The following SEMA6A variants were observed in gnomAD, a reference collection of about 807,000 sequenced individuals.
SEMA6A encodes semaphorin 6A.
SEMA6A carries 25 observed loss-of-function variants against 96.8 expected under a neutral mutation model. The observed-to-expected ratio is 0.26, with a 90% CI of 0.19 to 0.36. The LOEUF (loss-of-function observed/expected upper bound fraction) is 0.36, where lower values mean the gene tolerates loss of function less well. SEMA6A is among the 10% of genes least tolerant of loss of function. The pLI, the probability that SEMA6A is intolerant of heterozygous loss-of-function variation, is 1.00. For missense variants in SEMA6A, 1,363 were observed against 1,323.1 expected (o/e 1.03, Z -0.47); for synonymous variants, 612 against 518.0 (o/e 1.18, Z -2.46).
intron 18 of SEMA6A, among the ~76,000 whole-genome samples, chr5:116,460,951 ATGCTAAATCTT>A (rs1468184790): frequency 6.6e-6 from 1 of 152,092 alleles, no homozygotes; most frequent in Admixed American, 6.6e-5. Context: ...AATAAAAATG[ATGCTAAATCTT>A]TACTCTCTAA....
intron 3 of SEMA6A, among the ~76,000 whole-genome samples, chr5:116,498,092 G>A (rs1396043958): frequency 6.6e-6 from 1 of 152,186 alleles, no homozygotes; most frequent in East Asian, 1.9e-4. Flanking sequence ...CAGCTCAGGT[G>A]TGGGGCTATA....
chr5:116,478,841 T>A, intron 12 of SEMA6A, 123 bp from the exon 13 acceptor site: 1 of 890,240 alleles, frequency 1.1e-6, no homozygotes, highest in Non-Finnish European at 1.7e-6. Context: ...TATATGCATA[T>A]AAATAATGTT....
intron 1 of SEMA6A, among the ~76,000 whole-genome samples, chr5:116,518,540 A>G (rs1425028552): frequency 6.6e-6 from 1 of 152,202 alleles, no homozygotes; most frequent in Non-Finnish European, 1.5e-5. Flanking sequence ...TGACAAGAAG[A>G]AACCAAACTA....
At chr5:116,504,355 A>C (rs573706493) in intron 2 of SEMA6A, among the ~76,000 whole-genome samples, 1 of 152,338 alleles carries the variant, frequency 6.6e-6, no homozygotes, top group African/African-American at 2.4e-5. Context: ...TAAACAGTTA[A>C]AATGGGTCCT....
chr5:116,535,794 C>G (rs1561523584), intron 1 of SEMA6A, among the ~76,000 whole-genome samples: 1 of 152,208 alleles, frequency 6.6e-6, no homozygotes, highest in Non-Finnish European at 1.5e-5. Context: ...CAGATTACAC[C>G]TACTCTCTTG....
chr5:116,446,985 G>T lies in SEMA6A; in HGVS notation c.2721C>A (p.His907Gln). ...QTGLSKRLEM[H>Q]HSSSYGVDYK... ...AGTCAACCCCGTAGGAAGAGGAGTGGTGCATTTCCAGCCGCTTGCTTAGAC... is the reference window on the plus strand; with the variant it reads ...AGTCAACCCCGTAGGAAGAGGAGTGTTGCATTTCCAGCCGCTTGCTTAGAC... The change falls in exon 19 of 19, where the codon CAC becomes CAA. Residue 907 changes from histidine to glutamine, a missense_variant. Coordinates refer to ENST00000343348, the MANE Select transcript of SEMA6A (RefSeq NM_020796.5). 1 of 1,613,950 alleles carries T rather than the reference G, an allele frequency of 6.2e-7. No homozygotes were observed. The highest frequency in any genetic ancestry group is 8.5e-7 in the Non-Finnish European group (1 of 1,179,882).
rs1236891225 is a variant in SEMA6A at position 116,447,682 on chromosome 5, TCA to T, written c.2022_2023del (p.Cys674Ter). 1 of 1,613,976 alleles carries T rather than the reference TCA, an allele frequency of 6.2e-7. No homozygotes were observed. ...CACAGCCACGTCTTTGCGCCGATGATCACAGACGCAGTAGACGGTGATGCCCG... is the reference window on the plus strand; with the variant it reads ...CACAGCCACGTCTTTGCGCCGATGATCAGACGCAGTAGACGGTGATGCCCG... On this transcript the variant is annotated stop_gained and frameshift_variant, in exon 19 of 19. Transcript: ENST00000343348. LOFTEE classifies it high-confidence loss of function.
In SEMA6A at chr5:116,552,389, A is replaced by C. The variant is rs773428223; in HGVS notation, c.-39+21796T>G. On this transcript the variant is annotated intron_variant, in intron 1 of 18. Transcript: ENST00000343348. The stretch of plus-strand genomic sequence containing the variant: ...AAGTTCTATTTTTCCAAGCCAGGGT[A>C]AAGGCAGGTGCCACAGAGGTCTATG... Among the ~76,000 whole-genome samples, 287 of 152,314 alleles carry C rather than the reference A, an allele frequency of 1.9e-3. 1 individual carries two copies. Among genetic ancestry groups the C allele is most frequent in the Non-Finnish European group, 3.4e-3 (232 of 68,022 alleles).
At chr5:116,484,894 G>A (rs972544987) in intron 10 of SEMA6A, among the ~76,000 whole-genome samples, 29 of 152,210 alleles carry the variant, frequency 1.9e-4, no homozygotes, top group African/African-American at 6.8e-4. Context: ...CAGAGGATGG[G>A]AGGGGATGAA....
chr5:116,481,976 A>G (rs1174961473), intron 11 of SEMA6A, among the ~76,000 whole-genome samples: 15 of 152,182 alleles, frequency 9.9e-5, no homozygotes, highest in African/African-American at 2.2e-4. Context: ...CCCTCGGTCT[A>G]GAGTCCTAGA....
At chr5:116,451,421 A>C (rs1271955648) in intron 18 of SEMA6A, among the ~76,000 whole-genome samples, 1 of 152,194 alleles carries the variant, frequency 6.6e-6, no homozygotes, top group Non-Finnish European at 1.5e-5. Flanking sequence ...GTAGTCAAAA[A>C]GGTGATATGA....
intron 18 of SEMA6A, among the ~76,000 whole-genome samples, chr5:116,458,918 C>G (rs1312953059): frequency 6.6e-6 from 1 of 152,138 alleles, no homozygotes; most frequent in Non-Finnish European, 1.5e-5. Flanking sequence ...CACGTTCAAA[C>G]ATGGAAACCC....
intron 18 of SEMA6A, among the ~76,000 whole-genome samples, chr5:116,457,397 A>G (rs189450823): frequency 6.6e-6 from 1 of 152,296 alleles, no homozygotes; most frequent in East Asian, 1.9e-4. Context: ...GGTTGACTAT[A>G]CCGAACTTCC....
chr5:116,496,900 C>CT (rs1285727320), intron 4 of SEMA6A, among the ~76,000 whole-genome samples: 2 of 152,174 alleles, frequency 1.3e-5, no homozygotes, highest in Non-Finnish European at 2.9e-5. Flanking sequence ...TACTTTATGT[C>CT]TGTCTGAAAT....
intron 18 of SEMA6A, among the ~76,000 whole-genome samples, chr5:116,463,870 T>C (rs1221947182): frequency 1.3e-5 from 2 of 152,238 alleles, no homozygotes; most frequent in Non-Finnish European, 2.9e-5. Context: ...CTCATAGCAG[T>C]GGTCAGCATT....
intron 18 of SEMA6A, among the ~76,000 whole-genome samples, chr5:116,453,461 G>A (rs755343150): frequency 6.6e-6 from 1 of 152,142 alleles, no homozygotes; most frequent in South Asian, 2.1e-4. Context: ...AGGCAGAAAG[G>A]TGCTCAGTAA....
chr5:116,483,654 T>G (rs1233599740), intron 10 of SEMA6A, among the ~76,000 whole-genome samples: 1 of 152,206 alleles, frequency 6.6e-6, no homozygotes, highest in Non-Finnish European at 1.5e-5. Context: ...AATAATTGCT[T>G]AAAGCAAGAA....
At chr5:116,454,508 C>CT (rs1406560777) in intron 18 of SEMA6A, among the ~76,000 whole-genome samples, 8 of 152,264 alleles carry the variant, frequency 5.3e-5, no homozygotes, top group Admixed American at 3.9e-4. Flanking sequence ...CATCGCCCCG[C>CT]TAACCACACA....
intron 1 of SEMA6A, chr5:116,554,842 G>T (rs1382943841): frequency 2.0e-5 from 3 of 152,178 alleles, no homozygotes; most frequent in Admixed American, 6.5e-5. Flanking sequence ...GGAAAGGCAG[G>T]CTTGGGCGTT....
Sources: gnomAD v4.1 joint callset for allele counts (sites outside exome capture counted in the v4.1 genomes callset) on GRCh38, gnomAD v4.1.1 for gene constraint, MANE v1.5 for transcripts, NCBI Gene and HGNC (gene_info 2026-07-23, HGNC 2026-07-21) for gene names.